The following SBNO2 variants were observed in gnomAD, a reference collection of about 807,000 sequenced individuals.
SBNO2 encodes protein strawberry notch homolog 2.
SBNO2 carries 89 observed loss-of-function variants against 146.3 expected under a neutral mutation model. The observed-to-expected ratio is 0.61, with a 90% CI of 0.51 to 0.73. The LOEUF is 0.73. Among genes scored for constraint, SBNO2 ranks in the 30% least tolerant of loss-of-function variants. The pLI, the probability that SBNO2 is intolerant of heterozygous loss-of-function variation, is 0.00. For synonymous variants in SBNO2, 1,147 were observed against 892.6 expected (o/e 1.29, Z -5.08); for missense variants, 2,092 against 2,003.7 (o/e 1.04, Z -0.84).
At chr19:1,132,018 G>T (rs1369529275) in intron 4 of SBNO2, 1 of 1,232,722 alleles carries the variant, frequency 8.1e-7, no homozygotes, top group Non-Finnish European at 1.1e-6. Flanking sequence ...GGGCCCGGCC[G>T]TCCTGAATGG....
Position 1,116,940 on chromosome 19 carries a change from G to A in SBNO2, c.1705-14C>T, listed in dbSNP as rs747412603. The stretch of plus-strand genomic sequence containing the variant: ...GATGACCACGCACTGTGGGACGGCA[G>A]AGGACTGTGAGCCACCAGCCCTGCT... On this transcript the variant is annotated splice_polypyrimidine_tract_variant and intron_variant, in intron 15 of 31. Transcript: ENST00000361757. 23 of 1,539,982 alleles carry A rather than the reference G, an allele frequency of 1.5e-5. No individual in the cohort carries two copies. The East Asian group carries it at 5.3e-4, about 36-fold the overall frequency.
At chr19:1,125,396 C>G (rs1470919517) in intron 5 of SBNO2, among the ~76,000 whole-genome samples, 2 of 143,944 alleles carry the variant, frequency 1.4e-5, no homozygotes, top group Non-Finnish European at 3.0e-5. Context: ...GTGGGCCGGG[C>G]ATGGTGGCTC....
At chr19:1,156,445 C>T (rs2080290196) in intron 1 of SBNO2, among the ~76,000 whole-genome samples, 1 of 152,098 alleles carries the variant, frequency 6.6e-6, no homozygotes, top group African/African-American at 2.4e-5. Context: ...GAGGCGGAGG[C>T]GGATCCTCAC....
At chr19:1,160,588 C>A (rs544627506) in intron 1 of SBNO2, among the ~76,000 whole-genome samples, 1 of 152,110 alleles carries the variant, frequency 6.6e-6, no homozygotes, top group Non-Finnish European at 1.5e-5. Context: ...TGTGGACCCA[C>A]TGGGGGTCTC....
rs78357396 is a variant in SBNO2 at position 1,142,073 on chromosome 19, G to A, written c.279+5236C>T. On this transcript the variant is annotated intron_variant, in intron 4 of 31. Coordinates refer to ENST00000361757, the MANE Select transcript of SBNO2 (RefSeq NM_014963.3). ...CTCACGATCAACCCTCCCCTCAATG[G>A]CCTCCCTCCTCATGATCAACCCTCA... is the stretch of plus-strand genomic sequence containing the variant. Among the ~76,000 whole-genome samples the A allele has an allele frequency of 3.3e-3, 329 of 100,310 alleles. 2 individuals are homozygous for A. The highest frequency in any genetic ancestry group is 0.011 in the African/African-American group (292 of 26,000). 65.8% of individuals were successfully genotyped at this position (100,310 alleles called of 152,430 possible). A position where few individuals can be genotyped will look rare whatever the true frequency, so the allele number is the denominator to read the frequency against.
At chr19:1,153,137 G>A (rs951159413) in intron 2 of SBNO2, among the ~76,000 whole-genome samples, 7 of 151,142 alleles carry the variant, frequency 4.6e-5, no homozygotes, top group Non-Finnish European at 1.0e-4. Context: ...CTGGGCAACA[G>A]AGTGAAACCG....
At position 1,168,159 on chromosome 19, in the gene SBNO2, C is replaced by T. The variant is rs111986237; in HGVS notation, c.-127+6013G>A. ...GTGGCAGCCCCTGGTGTTCCAAAGT[C>T]GGCAAGCAATTCAAGCATCCACACC... On this transcript the variant is annotated intron_variant, in intron 1 of 31. Coordinates refer to ENST00000361757, the MANE Select transcript of SBNO2 (RefSeq NM_014963.3). Among the ~76,000 whole-genome samples the T allele has an allele frequency of 2.7e-3, 410 of 152,242 alleles. 3 individuals carry two copies. The highest frequency in any genetic ancestry group is 9.3e-3 in the African/African-American group (386 of 41,532).
At position 1,108,514 on chromosome 19, in the gene SBNO2, C is replaced by A; in HGVS notation, c.3807G>T (p.Pro1269=). 8.3e-7 allele frequency: 1 copy of A among 1,203,586 alleles called. No individual in the cohort carries two copies. The allele number at this position is 1,203,586 out of a possible 1,614,324, so 74.6% of individuals were successfully genotyped here. A position where few individuals can be genotyped will look rare whatever the true frequency, so the allele number is the denominator to read the frequency against. ...CCGGGAAAGAGAAGTGCGGGGGCGG[C>A]GGGAAGGCCTCGGCCGGGGGGCTGT... ...LTYSPPAEAF[P]PPPHFSFPAP... Residue 1269 remains proline (P), a synonymous_variant, in exon 32 of 32, where the codon CCG becomes CCT. Coordinates refer to ENST00000361757, the MANE Select transcript of SBNO2 (RefSeq NM_014963.3).
At chr19:1,117,231 C>A (rs2079843384) in intron 15 of SBNO2, 92 bp downstream of exon 15, 2 of 1,321,250 alleles carry the variant, frequency 1.5e-6, no homozygotes, top group Middle Eastern at 2.6e-4. Context: ...CCGCCCACGT[C>A]TGGGGAGGGG....
In SBNO2 at chr19:1,117,409, G is replaced by A; in HGVS notation, c.1618C>T (p.His540Tyr). ...KSLWGQFWSA[H>Y]QRFFKYLCIA... is the part of the protein sequence containing the mutation. ...CACAGATACTTGAAGAAGCGCTGGT[G>A]TGCCGACCAGAACTGGCCCCACAGG... is the stretch of plus-strand genomic sequence containing the variant. The change falls in exon 15 of 32, where the codon CAC (histidine) becomes TAC (tyrosine). Residue 540 changes from histidine to tyrosine, a missense_variant. By Grantham distance (83) the His-to-Tyr change is moderately conservative. Coordinates refer to ENST00000361757, the MANE Select transcript of SBNO2 (RefSeq NM_014963.3). 1 of 1,590,402 alleles carries A rather than the reference G, an allele frequency of 6.3e-7. No individual in the cohort carries two copies. Among genetic ancestry groups the A allele is most frequent in the Non-Finnish European group, 8.5e-7 (1 of 1,169,940 alleles).
chr19:1,112,078 T>A lies in SBNO2; in HGVS notation c.2629-11A>T, dbSNP rs1460798284. 6.2e-6 allele frequency: 10 copies of A among 1,611,036 alleles called. No individual in the cohort carries two copies. The highest frequency in any genetic ancestry group is 8.5e-6 in the Non-Finnish European group (10 of 1,179,420). On this transcript the variant is annotated splice_polypyrimidine_tract_variant and intron_variant, in intron 22 of 31. Transcript: ENST00000361757. The surrounding 1 kb of genome is among the most constrained non-coding windows in gnomAD (Gnocchi z 5.9). ...GTGGGTCAGGGCCCCCTGCCAGGGG[T>A]GGGGAGGCCATCAGTTGGTCACCTG...
In SBNO2 at chr19:1,110,658, G is replaced by A. The variant is rs1240608568; in HGVS notation, c.3028+87C>T. 1.0e-5 allele frequency: 15 copies of A among 1,431,650 alleles called. No individual in the cohort carries two copies. The highest frequency in any genetic ancestry group is 3.0e-5 in the African/African-American group (2 of 67,076). The allele number at this position is 1,431,650 out of a possible 1,614,324, so 88.7% of individuals were successfully genotyped here. On this transcript the variant is annotated intron_variant, in intron 26 of 31. Coordinates refer to ENST00000361757, the MANE Select transcript of SBNO2 (RefSeq NM_014963.3). The surrounding 1 kb of genome is among the most constrained non-coding windows in gnomAD (Gnocchi z 4.9). ...CACCCGGGATGCCCGGTGTTCCCAC[G>A]AGCCCCGAGCCCACCCAGGATGCAT...
rs1206721335 is a variant in SBNO2, at chr19:1,158,318, C to T, written c.-126-3916G>A. On this transcript the variant is annotated intron_variant, in intron 1 of 31. Transcript: ENST00000361757. The surrounding 1 kb of genome is among the most constrained non-coding windows in gnomAD (Gnocchi z 9.9). ...GAGCCCGGTTCTCCTGCCGTCCTCTCGCCGAGCAGGGTTGTGACCCCCGCA... is the reference window on the plus strand; with the variant it reads ...GAGCCCGGTTCTCCTGCCGTCCTCTTGCCGAGCAGGGTTGTGACCCCCGCA... Among the ~76,000 whole-genome samples the T allele has an allele frequency of 6.6e-6, 1 of 152,176 alleles. No individual in the cohort carries two copies. Among genetic ancestry groups the T allele is most frequent in the Non-Finnish European group, 1.5e-5 (1 of 68,022 alleles).
At chr19:1,122,063 T>G in intron 11 of SBNO2, 76 bp downstream of exon 11, 2 of 443,930 alleles carry the variant, frequency 4.5e-6, no homozygotes, top group Non-Finnish European at 6.3e-6. Context: ...ACCCCTCCTC[T>G]CCCACTCCTC....
chr19:1,109,124 C>G lies in SBNO2; in HGVS notation c.3425+11G>C. The stretch of plus-strand genomic sequence containing the variant: ...CTGCCGGTTTCCCCCTGGTCCCCGG[C>G]CCGCCCTCACCAGGCGCTGTGGCTG... On this transcript the variant is annotated intron_variant, in intron 30 of 31. Transcript: ENST00000361757. The surrounding 1 kb of genome is among the most constrained non-coding windows in gnomAD (Gnocchi z 4.2). 1 of 1,549,904 alleles carries G rather than the reference C, an allele frequency of 6.5e-7. No individual in the cohort carries two copies. The highest frequency in any genetic ancestry group is 2.4e-5 in the East Asian group (1 of 41,042).
chr19:1,113,893 G>A (rs537450542), intron 18 of SBNO2, among the ~76,000 whole-genome samples, 189 bp from the exon 19 acceptor site: 55 of 152,348 alleles, frequency 3.6e-4, no homozygotes, highest in African/African-American at 1.3e-3. Flanking sequence ...GAGACCAGCT[G>A]GGGCGAGACT....
chr19:1,157,010 C>T lies in SBNO2; in HGVS notation c.-126-2608G>A, dbSNP rs988381718. On this transcript the variant is annotated intron_variant, in intron 1 of 31. Transcript: ENST00000361757. This position sits in a 1 kb window ranked among gnomAD's most constrained non-coding sequence, Gnocchi z 6.8. ...TGCCTTTCCGCCCACTGCCAGCCCC[C>T]CATCGCCTCCCACCCTGTCCTCGGC... 7.2e-5 allele frequency among the ~76,000 whole-genome samples: 11 copies of T among 152,118 alleles called. No homozygotes were observed. Among genetic ancestry groups the T allele is most frequent in the African/African-American group, 2.4e-4 (10 of 41,382 alleles).
Position 1,126,596 on chromosome 19 carries a change from G to A in SBNO2, c.441+1008C>T, listed in dbSNP as rs935410713. The stretch of plus-strand genomic sequence containing the variant: ...GTGAGCCACCCACCGTGGCTGCGGG[G>A]TGCCCTGATGCTTCCTGCCTGGGCC... On this transcript the variant is annotated intron_variant, in intron 5 of 31. Transcript: ENST00000361757. The surrounding 1 kb of genome is among the most constrained non-coding windows in gnomAD (Gnocchi z 4.4). 3.9e-5 allele frequency among the ~76,000 whole-genome samples: 6 copies of A among 152,062 alleles called. No individual in the cohort carries two copies. Among genetic ancestry groups the A allele is most frequent in the Admixed American group, 1.3e-4 (2 of 15,270 alleles).
chr19:1,163,968 A>G (rs2080375964), intron 1 of SBNO2, among the ~76,000 whole-genome samples: 1 of 152,202 alleles, frequency 6.6e-6, no homozygotes, highest in Admixed American at 6.5e-5. Context: ...TGTACTGGCC[A>G]GACTCAGCGC....
Sources: allele counts gnomAD v4.1 joint callset (sites outside exome capture counted in the v4.1 genomes callset), GRCh38; gene constraint gnomAD v4.1.1; non-coding constraint Gnocchi (gnomAD v3.1); transcripts MANE v1.5; gene names NCBI Gene and HGNC (gene_info 2026-07-23, HGNC 2026-07-21).